Variants in PSD3 observed in about 807,000 individuals in gnomAD.
PSD3 encodes the protein pleckstrin and Sec7 domain containing 3, also known as PH and SEC7 domain-containing protein 3.
PSD3 carries 49 observed loss-of-function variants against 105.5 expected under a neutral mutation model. That is an observed-to-expected ratio of 0.46 (90% confidence interval 0.37 to 0.59). PSD3 has a LOEUF of 0.59. PSD3 is among the 20% of genes least tolerant of loss of function. The probability of loss-of-function intolerance (pLI) is 0.00; values close to 1 mark genes in which losing one functional copy is unlikely to be tolerated. For synonymous variants in PSD3, 557 were observed against 457.8 expected (o/e 1.22, Z -2.77); for missense variants, 1,561 against 1,263.8 (o/e 1.24, Z -3.57).
Position 18,559,593 on chromosome 8 carries a change from A to C in PSD3, c.2785-3241T>G, listed in dbSNP as rs139496969. On this transcript the variant is annotated intron_variant, in intron 14 of 15. Coordinates refer to ENST00000327040, the MANE Select transcript of PSD3 (RefSeq NM_015310.4). ...GAATCCAGTTTATTTAAGAAAAAAT[A>C]GGATTTTAGGTAATTTGGTAAAAGA... is the stretch of plus-strand genomic sequence containing the variant. Among the ~76,000 whole-genome samples, 282 of 150,324 alleles carry C rather than the reference A, an allele frequency of 1.9e-3. 1 individual carries two copies. The highest frequency in any genetic ancestry group is 6.7e-3 in the African/African-American group (273 of 40,850).
chr8:19,047,231 G>A (rs1241728685), intron 1 of PSD3, among the ~76,000 whole-genome samples: 1 of 152,168 alleles, frequency 6.6e-6, no homozygotes, highest in Non-Finnish European at 1.5e-5. Context: ...TTGCAAGCCT[G>A]GAGGTCCCTC....
In PSD3 at chr8:18,569,346, C is replaced by A. The variant is rs1205887158; in HGVS notation, c.2784+3182G>T. The stretch of plus-strand genomic sequence containing the variant: ...CAACAGTGTAAAAGTGTTCCTATTT[C>A]TCCACATCCTCTCCAGCACCTGTTG... On this transcript the variant is annotated intron_variant, in intron 14 of 15. Coordinates refer to ENST00000327040, the MANE Select transcript of PSD3 (RefSeq NM_015310.4). 2.1e-5 allele frequency among the ~76,000 whole-genome samples: 3 copies of A among 142,832 alleles called. No homozygotes were observed. In the South Asian group the frequency reaches 7.3e-4, roughly 35 times the overall value. 93.7% of individuals were successfully genotyped at this position (142,832 alleles called of 152,430 possible).
chr8:18,798,127 G>A lies in PSD3; in HGVS notation c.2082+1168C>T, dbSNP rs184516832. Among the ~76,000 whole-genome samples the A allele has an allele frequency of 1.2e-4, 18 of 152,272 alleles. 2 individuals carry two copies. In the South Asian group the frequency reaches 3.5e-3, roughly 30 times the overall value. ...CATTAGATTGCGGTAGTCATGTCAA[G>A]ATTCACACTGTGAAATGCCTGCATT... On this transcript the variant is annotated intron_variant, in intron 8 of 15. Transcript: ENST00000327040.
chr8:18,649,121 G>C (rs182974307), intron 10 of PSD3, among the ~76,000 whole-genome samples: 53 of 152,326 alleles, frequency 3.5e-4, no homozygotes, highest in African/African-American at 1.3e-3. Flanking sequence ...TAGTGGAGCT[G>C]TGAGAAGAGG....
At chr8:18,888,856 G>A (rs557081181) in intron 2 of PSD3, among the ~76,000 whole-genome samples, 8 of 152,142 alleles carry the variant, frequency 5.3e-5, no homozygotes, top group South Asian at 2.1e-4. Context: ...AGTGGTAAGC[G>A]CCCTTTTGTT....
At chr8:18,688,582 T>C (rs925935199) in intron 9 of PSD3, among the ~76,000 whole-genome samples, 1 of 152,252 alleles carries the variant, frequency 6.6e-6, no homozygotes, top group African/African-American at 2.4e-5. Context: ...CAGTGAATAA[T>C]ACCCCTGCAA....
At chr8:18,653,239 T>C (rs1808647292) in intron 10 of PSD3, among the ~76,000 whole-genome samples, 1 of 152,214 alleles carries the variant, frequency 6.6e-6, no homozygotes, top group African/African-American at 2.4e-5. Context: ...TTTCATCCAA[T>C]TCCTTCATTT....
chr8:18,560,215 A>C lies in PSD3; in HGVS notation c.2785-3863T>G, dbSNP rs1029329152. On this transcript the variant is annotated intron_variant, in intron 14 of 15. Coordinates refer to ENST00000327040, the MANE Select transcript of PSD3 (RefSeq NM_015310.4). ...ACACACACACACACACACACAAACA[A>C]AAAAACAACAACAGCAACAACAACA... Among the ~76,000 whole-genome samples, 239 of 144,504 alleles carry C rather than the reference A, an allele frequency of 1.7e-3. 1 individual carries two copies. Among genetic ancestry groups the C allele is most frequent in the African/African-American group, 6.2e-3 (229 of 37,214 alleles). 94.8% of individuals were successfully genotyped at this position (144,504 alleles called of 152,430 possible).
chr8:18,832,918 G>A (rs1175309383), intron 4 of PSD3, among the ~76,000 whole-genome samples: 1 of 152,066 alleles, frequency 6.6e-6, no homozygotes, highest in Admixed American at 6.5e-5. Flanking sequence ...GGGATTATGG[G>A]AACTACAATT....
chr8:18,575,001 G>A, intron 13 of PSD3, 127 bp downstream of exon 13: 2 of 892,214 alleles, frequency 2.2e-6, no homozygotes, highest in Non-Finnish European at 3.2e-6. Context: ...TTTCTCTAAT[G>A]TAAGCAGTTG....
intron 12 of PSD3, among the ~76,000 whole-genome samples, chr8:18,596,531 A>ATAAAAC: frequency 6.6e-6 from 1 of 152,168 alleles, no homozygotes; most frequent in East Asian, 1.9e-4. Context: ...AAATGAAAAA[A>ATAAAAC]TAAAACTAAA....
chr8:18,748,660 CAAA>C (rs760372508), intron 9 of PSD3, among the ~76,000 whole-genome samples: 6 of 54,688 alleles, frequency 1.1e-4, no homozygotes, highest in Non-Finnish European at 1.6e-4. Flanking sequence ...ACTCCGTCTC[CAAA>C]AAAAAAAAAA....
At chr8:18,634,564 C>T (rs913829823) in intron 10 of PSD3, among the ~76,000 whole-genome samples, 4 of 152,060 alleles carry the variant, frequency 2.6e-5, no homozygotes, top group African/African-American at 9.7e-5. Flanking sequence ...TCCCACAGTG[C>T]ATTCTGTTGT....
intron 4 of PSD3, among the ~76,000 whole-genome samples, chr8:18,818,008 C>G (rs1024394814): frequency 6.6e-6 from 1 of 152,170 alleles, no homozygotes; most frequent in African/African-American, 2.4e-5. Context: ...GGCTGGAGTG[C>G]AGTGGCGCGA....
chr8:18,652,718 G>A (rs1028141831), intron 10 of PSD3, among the ~76,000 whole-genome samples: 1 of 151,824 alleles, frequency 6.6e-6, no homozygotes, highest in African/African-American at 2.4e-5. Flanking sequence ...GGCTGGTCTC[G>A]AACTCCTGAC....
intron 1 of PSD3, among the ~76,000 whole-genome samples, chr8:19,054,172 G>A (rs1828629117): frequency 6.6e-6 from 1 of 152,190 alleles, no homozygotes; most frequent in African/African-American, 2.4e-5. Flanking sequence ...GAAGCTACAT[G>A]TTGAATTGAT....
At chr8:18,821,550 A>G (rs976508492) in intron 4 of PSD3, among the ~76,000 whole-genome samples, 6 of 152,016 alleles carry the variant, frequency 3.9e-5, no homozygotes, top group African/African-American at 1.2e-4. Flanking sequence ...GTTTTTCCTA[A>G]CAAAACTGAA....
chr8:18,628,463 C>G (rs1156445565), intron 11 of PSD3, among the ~76,000 whole-genome samples: 1 of 151,764 alleles, frequency 6.6e-6, no homozygotes, highest in Non-Finnish European at 1.5e-5. Context: ...GAAAAACAAC[C>G]TGCCAAAGGA....
chr8:19,030,547 C>G (rs1827729481), intron 1 of PSD3, among the ~76,000 whole-genome samples: 1 of 152,086 alleles, frequency 6.6e-6, no homozygotes, highest in South Asian at 2.1e-4. Context: ...ACCACACTTT[C>G]TCTCTTGCTC....
Sources: allele counts gnomAD v4.1 joint callset (sites outside exome capture counted in the v4.1 genomes callset), GRCh38; gene constraint gnomAD v4.1.1; transcripts MANE v1.5; gene names NCBI Gene and HGNC (gene_info 2026-07-23, HGNC 2026-07-21).